Variants in ADGRE5 observed in about 807,000 individuals in gnomAD.
ADGRE5 encodes the protein adhesion G protein-coupled receptor E5.
Under a neutral mutation model 100.3 loss-of-function variants are expected in ADGRE5, and 72 were observed. That is an observed-to-expected ratio of 0.72 (90% CI 0.59 to 0.87). The LOEUF is 0.87. ADGRE5 is among the 40% of genes least tolerant of loss of function. The pLI is 0.00. For synonymous variants in ADGRE5, 439 were observed against 447.8 expected (o/e 0.98, Z 0.25); for missense variants, 959 against 1,094.7 (o/e 0.88, Z 1.75).
At chr19:14,407,419 G>A (rs1371652322) in intron 18 of ADGRE5, among the ~76,000 whole-genome samples, 190 bp downstream of exon 18, 1 of 152,192 alleles carries the variant, frequency 6.6e-6, no homozygotes, top group Admixed American at 6.6e-5. Flanking sequence ...GGAGGCCGAG[G>A]TGGGCAGATC....
rs762325714 is a variant in ADGRE5 at position 14,388,835 on chromosome 19, G to A, written c.190+17G>A. ...CTTGTGACGGTACAGAGGCTTGAGG[G>A]CAGCGCAGGGGACATCCGCGATTAT... is the stretch of plus-strand genomic sequence containing the variant. On this transcript the variant is annotated intron_variant, in intron 3 of 19. Transcript: ENST00000242786. The A allele has an allele frequency of 3.3e-5, 53 of 1,608,104 alleles. No homozygotes were observed. The Middle Eastern group carries it at 1.2e-3, about 35-fold the overall frequency.
chr19:14,393,048 G>T (rs1975654419), intron 4 of ADGRE5, among the ~76,000 whole-genome samples: 1 of 150,968 alleles, frequency 6.6e-6, no homozygotes, highest in African/African-American at 2.4e-5. Context: ...AAAAACACAA[G>T]AAATTAGCCA....
chr19:14,398,256 C>T (rs576463512), intron 9 of ADGRE5, 117 bp downstream of exon 9: 78 of 848,776 alleles, frequency 9.2e-5, no homozygotes, highest in Non-Finnish European at 1.3e-4. Flanking sequence ...GACACACATG[C>T]GCATAACATA....
chr19:14,392,817 C>G (rs1316749820), intron 4 of ADGRE5, among the ~76,000 whole-genome samples: 1 of 151,548 alleles, frequency 6.6e-6, no homozygotes, highest in Non-Finnish European at 1.5e-5. Flanking sequence ...GCACGAGAAT[C>G]GCTTGAACCT....
intron 18 of ADGRE5, 74 bp from the exon 19 acceptor site, chr19:14,407,834 A>AG (rs1976336767): frequency 8.0e-7 from 1 of 1,257,190 alleles, no homozygotes; most frequent in Non-Finnish European, 1.2e-6. Flanking sequence ...GGTGGGGCTG[A>AG]GGGCAGAGCA....
chr19:14,398,265 T>TA lies in ADGRE5; in HGVS notation c.897+127dup. The TA allele has an allele frequency of 3.9e-6, 3 of 767,826 alleles. No homozygotes were observed. In the South Asian group the frequency reaches 4.6e-5, roughly 12 times the overall value. The allele number at this position is 767,826 out of a possible 1,614,324, so 47.6% of individuals were successfully genotyped here. On this transcript the variant is annotated intron_variant, in intron 9 of 19. Transcript: ENST00000242786. ...GTCAGAGACACACATGCGCATAACATACACACACCACATACAGTATGTGCA... is the reference window on the plus strand; with the variant it reads ...GTCAGAGACACACATGCGCATAACATAACACACACCACATACAGTATGTGCA...
In ADGRE5 at chr19:14,388,757, C is replaced by T; in HGVS notation, c.129C>T (p.Arg43=). ...CGTGTGTCAATGCCACCGCCTGTCG[C>T]TGCAATCCAGGGTTCAGCTCTTTTT... ...NSSCVNATAC[R]CNPGFSSFSE... The change falls in exon 3 of 20, where the codon CGC becomes CGT. Residue 43 remains arginine, a synonymous_variant. Transcript: ENST00000242786. 6.2e-7 allele frequency: 1 copy of T among 1,613,974 alleles called. No homozygotes were observed. Among genetic ancestry groups the T allele is most frequent in the African/African-American group, 1.3e-5 (1 of 75,052 alleles).
At chr19:14,402,564 C>T (rs745355738) in intron 11 of ADGRE5, 33 bp from the exon 12 acceptor site, 5 of 1,610,706 alleles carry the variant, frequency 3.1e-6, no homozygotes, top group East Asian at 2.2e-5. Flanking sequence ...AGGAGGACAA[C>T]GGGAGTAGGC....
rs1976069850 is a variant in ADGRE5, at chr19:14,402,825, C to T, written c.1412C>T (p.Ser471Phe). Residue 471 changes from serine to phenylalanine, a missense_variant, in exon 12 of 20, where the codon TCC becomes TTC. Physicochemically the swap from Ser to Phe is radical, Grantham distance 155. Coordinates refer to ENST00000242786, the MANE Select transcript of ADGRE5 (RefSeq NM_078481.4). Reference sequence around the variant, plus strand: ...CTTTTCGCCTTCTCCCACCTTGAGTCCTCCGATGGGGAGGCGGGAAGAGAC... The same window carrying T: ...CTTTTCGCCTTCTCCCACCTTGAGTTCTCCGATGGGGAGGCGGGAAGAGAC... ...PILFAFSHLE[S>F]SDGEAGRDPP... 6.2e-7 allele frequency: 1 copy of T among 1,614,034 alleles called. No homozygotes were observed. Among genetic ancestry groups the T allele is most frequent in the Non-Finnish European group, 8.5e-7 (1 of 1,180,004 alleles).
At position 14,402,754 on chromosome 19, in the gene ADGRE5, C is replaced by A. The variant is rs1976066327; in HGVS notation, c.1341C>A (p.Ser447=). 1 of 1,614,102 alleles carries A rather than the reference C, an allele frequency of 6.2e-7. No individual in the cohort carries two copies. Among genetic ancestry groups the A allele is most frequent in the Non-Finnish European group, 8.5e-7 (1 of 1,180,004 alleles). The change falls in exon 12 of 20, where the codon TCC becomes TCA. Residue 447 remains serine, a synonymous_variant. Coordinates refer to ENST00000242786, the MANE Select transcript of ADGRE5 (RefSeq NM_078481.4). The part of the protein sequence containing the change: ...VQLRRLSAVN[S]IFLSHNNTKE... ...TCAGACGCCTCTCTGCCGTCAACTC[C>A]ATCTTTCTGAGCCACAACAACACCA...
Position 14,406,374 on chromosome 19 carries a change from GT to G in ADGRE5, c.1868del (p.Phe623SerfsTer8). On this transcript the variant is annotated frameshift_variant, in exon 15 of 20. Transcript: ENST00000242786. LOFTEE classifies it high-confidence loss of function. The surrounding 1 kb of genome is among the most constrained non-coding windows in gnomAD (Gnocchi z 6.0). Reference protein sequence around the residue: ...CRLVAGLLHYCFLAAFCWMSL... With the variant: ...CRLVAGLLHYXFLAAFCWMSL... ...CTGGTGGCCGGGCTGCTGCACTACT[GT>G]TTCCTGGCCGCCTTCTGCTGGATGA... is the stretch of plus-strand genomic sequence containing the variant. 6.3e-7 allele frequency: 1 copy of G among 1,587,266 alleles called. No individual in the cohort carries two copies. Among genetic ancestry groups the G allele is most frequent in the South Asian group, 1.1e-5 (1 of 87,360 alleles).
Position 14,401,676 on chromosome 19 carries a change from C to T in ADGRE5, c.1099C>T (p.Arg367Trp), listed in dbSNP as rs78841685. 1,909 of 1,594,860 alleles carry T rather than the reference C, an allele frequency of 1.2e-3. 15 individuals are homozygous for T. The African/African-American group carries it at 0.023, about 19-fold the overall frequency. ...AGAGCTGACCCTGATGATCCAGGAG[C>T]GGGGGGACAAGAACGTCACTATGGG... is the stretch of plus-strand genomic sequence containing the variant. ...NTELTLMIQE[R>W]GDKNVTMGQS... Residue 367 changes from arginine (R) to tryptophan (W), a missense_variant, in exon 11 of 20, where the codon CGG (arginine) becomes TGG (tryptophan). Physicochemically the swap from Arg to Trp is moderately radical, Grantham distance 101 (BLOSUM62 -3). Around this residue, in one of 6 missense-constraint regions of ADGRE5, gnomAD observed 246 missense variants for 242.2 expected, o/e 1.02. Transcript: ENST00000242786. The surrounding 1 kb of genome is among the most constrained non-coding windows in gnomAD (Gnocchi z 4.1).
intron 4 of ADGRE5, chr19:14,391,287 G>A: frequency 1.6e-6 from 1 of 632,712 alleles, no homozygotes; most frequent in South Asian, 2.0e-5. Flanking sequence ...CAGCTGCCTG[G>A]GCCAAATCCT....
intron 1 of ADGRE5, among the ~76,000 whole-genome samples, chr19:14,388,032 C>T (rs961566679): frequency 1.3e-5 from 2 of 151,896 alleles, no homozygotes; most frequent in African/African-American, 4.8e-5. Flanking sequence ...GCCAAGATCA[C>T]AGCATTGCAC....
intron 9 of ADGRE5, among the ~76,000 whole-genome samples, chr19:14,399,200 G>A (rs1359542736): frequency 6.6e-6 from 1 of 151,844 alleles, no homozygotes; most frequent in Non-Finnish European, 1.5e-5. Context: ...CATATAGTCA[G>A]TGTGAAGGGT....
intron 1 of ADGRE5, among the ~76,000 whole-genome samples, chr19:14,384,188 C>T (rs1394874437): frequency 2.0e-5 from 3 of 151,960 alleles, no homozygotes; most frequent in East Asian, 3.9e-4. Context: ...GTGGGGAGTA[C>T]GGGCTTGGGC....
At chr19:14,383,941 C>T (rs1297930616) in intron 1 of ADGRE5, among the ~76,000 whole-genome samples, 1 of 152,126 alleles carries the variant, frequency 6.6e-6, no homozygotes, top group African/African-American at 2.4e-5. Flanking sequence ...GGCTCCAAGC[C>T]TCAGTTTCTC....
intron 5 of ADGRE5, among the ~76,000 whole-genome samples, 200 bp from the exon 6 acceptor site, chr19:14,396,877 C>T: frequency 6.6e-6 from 1 of 152,168 alleles, no homozygotes; most frequent in Non-Finnish European, 1.5e-5. Context: ...AACTGGGGAC[C>T]ATGGTCCCTG....
Position 14,408,231 on chromosome 19 carries a change from C to T in ADGRE5, c.*110C>T, listed in dbSNP as rs1298072975. The T allele has an allele frequency of 8.0e-7, 1 of 1,242,804 alleles. No individual in the cohort carries two copies. The highest frequency in any genetic ancestry group is 1.3e-5 in the South Asian group (1 of 79,120). 77.0% of individuals were successfully genotyped at this position (1,242,804 alleles called of 1,614,324 possible). A position where few individuals can be genotyped will look rare whatever the true frequency, so the allele number is the denominator to read the frequency against. On this transcript the variant is annotated 3_prime_UTR_variant, in exon 20 of 20. Coordinates refer to ENST00000242786, the MANE Select transcript of ADGRE5 (RefSeq NM_078481.4). ...CACTCTACTCCCTCCACCCTCCCTCCCTGATCCCGTGTGCCACCAGGAGGG... is the reference window on the plus strand; with the variant it reads ...CACTCTACTCCCTCCACCCTCCCTCTCTGATCCCGTGTGCCACCAGGAGGG...
Sources: gnomAD v4.1 joint callset for allele counts (sites outside exome capture counted in the v4.1 genomes callset) on GRCh38, gnomAD v4.1.1 for gene constraint, gnomAD v4.1.1 regional missense constraint, Gnocchi (gnomAD v3.1) non-coding constraint, MANE v1.5 for transcripts, NCBI Gene and HGNC (gene_info 2026-07-23, HGNC 2026-07-21) for gene names.